Variants in ANO3 observed in about 807,000 individuals in gnomAD.
ANO3 encodes the protein anoctamin 3.
In ANO3, 99 loss-of-function variants were observed where a neutral mutation model predicts 144.8. The ratio of observed to expected loss-of-function variants is 0.68; its 90% CI spans 0.58 to 0.81. The LOEUF (loss-of-function observed/expected upper bound fraction) is 0.81, where lower values mean the gene tolerates loss of function less well. Ranked by LOEUF, ANO3 falls within the 30% of genes least tolerant of loss-of-function variation. The probability of loss-of-function intolerance (pLI) is 0.00; values close to 1 mark genes in which losing one functional copy is unlikely to be tolerated. For synonymous variants in ANO3, 414 were observed against 392.6 expected (o/e 1.05, Z -0.64); for missense variants, 905 against 1,202.2 (o/e 0.75, Z 3.66).
chr11:26,388,082 T>A (rs1247753227), intron 1 of ANO3, among the ~76,000 whole-genome samples: 1 of 150,386 alleles, frequency 6.6e-6, no homozygotes, highest in Non-Finnish European at 1.5e-5. Context: ...TTTTATATTT[T>A]AAAAATTTTA....
rs1265706489 is a variant in ANO3, at chr11:26,199,317, C to G, written c.154+9987C>G. The stretch of plus-strand genomic sequence containing the variant: ...GTCCCTAAGGCAACATTTTACTTTT[C>G]TCTTCCTCCTACTAAAGAGAAAATT... On this transcript the variant is annotated intron_variant, in intron 1 of 27. Transcript: ENST00000672621. Among the ~76,000 whole-genome samples, 2 of 152,094 alleles carry G rather than the reference C, an allele frequency of 1.3e-5. 1 individual carries two copies. The highest frequency in any genetic ancestry group is 4.8e-5 in the African/African-American group (2 of 41,418).
intron 1 of ANO3, among the ~76,000 whole-genome samples, chr11:26,359,971 T>A: frequency 6.6e-6 from 1 of 151,346 alleles, no homozygotes; most frequent in East Asian, 1.9e-4. Context: ...TCAACATAAA[T>A]TTTATATTTA....
Position 26,624,454 on chromosome 11 carries a change from T to C in ANO3, c.1837-8T>C. 2 of 1,598,754 alleles carry C rather than the reference T, an allele frequency of 1.3e-6. No individual in the cohort carries two copies. The highest frequency in any genetic ancestry group is 1.1e-5 in the South Asian group (1 of 90,468). On this transcript the variant is annotated splice_polypyrimidine_tract_variant and splice_region_variant and intron_variant, in intron 17 of 26. Transcript: ENST00000256737. Reference sequence around the variant, plus strand: ...ATAATGTTCACTATGTATTCTCTTTTATTACAGGCTTATGAAAAAATTGCT... The same window carrying C: ...ATAATGTTCACTATGTATTCTCTTTCATTACAGGCTTATGAAAAAATTGCT...
At chr11:26,447,834 G>A (rs1387993766) in intron 3 of ANO3, among the ~76,000 whole-genome samples, 2 of 152,052 alleles carry the variant, frequency 1.3e-5, no homozygotes, top group African/African-American at 2.4e-5. Context: ...TTGAAATCCT[G>A]GTGTGGCAAT....
At chr11:26,403,672 C>A (rs1857206449) in intron 1 of ANO3, among the ~76,000 whole-genome samples, 1 of 151,814 alleles carries the variant, frequency 6.6e-6, no homozygotes, top group Non-Finnish European at 1.5e-5. Flanking sequence ...AATGACTTAT[C>A]ATCTCAGAAA....
intron 1 of ANO3, among the ~76,000 whole-genome samples, chr11:26,231,359 G>A (rs913661184): frequency 1.3e-5 from 2 of 152,180 alleles, no homozygotes; most frequent in African/African-American, 4.8e-5. Flanking sequence ...AAATGAAACA[G>A]AGGCAGATGA....
intron 1 of ANO3, among the ~76,000 whole-genome samples, chr11:26,197,123 T>C (rs960245052): frequency 1.3e-5 from 2 of 152,152 alleles, no homozygotes; most frequent in Non-Finnish European, 2.9e-5. Flanking sequence ...CTCCTCCTCA[T>C]CCATGGGTGT....
chr11:26,471,405 A>T (rs565126205), intron 4 of ANO3, among the ~76,000 whole-genome samples: 1 of 152,024 alleles, frequency 6.6e-6, no homozygotes, highest in Admixed American at 6.6e-5. Flanking sequence ...GTAAAAATAG[A>T]TAATTTGTTA....
chr11:26,466,662 A>T (rs536173822), intron 4 of ANO3, among the ~76,000 whole-genome samples: 1 of 151,936 alleles, frequency 6.6e-6, no homozygotes, highest in African/African-American at 2.4e-5. Flanking sequence ...TCCAACAGCA[A>T]AGGCCAGGAA....
intron 14 of ANO3, among the ~76,000 whole-genome samples, chr11:26,597,832 A>T (rs1165100309): frequency 6.6e-6 from 1 of 152,166 alleles, no homozygotes; most frequent in African/African-American, 2.4e-5. Context: ...GAATTTCTTT[A>T]CTTTTTCCAC....
At chr11:26,401,204 T>C (rs1235182590) in intron 1 of ANO3, among the ~76,000 whole-genome samples, 1 of 152,050 alleles carries the variant, frequency 6.6e-6, no homozygotes, top group Non-Finnish European at 1.5e-5. Flanking sequence ...TTCTCAGTCA[T>C]GGAAGTGGAG....
chr11:26,604,456 A>G (rs907085111), intron 17 of ANO3, among the ~76,000 whole-genome samples: 1 of 152,166 alleles, frequency 6.6e-6, no homozygotes, highest in Non-Finnish European at 1.5e-5. Flanking sequence ...GAAGAATGTC[A>G]ATGGTAGTTT....
chr11:26,556,006 A>G (rs1184447055), intron 13 of ANO3, among the ~76,000 whole-genome samples: 1 of 152,166 alleles, frequency 6.6e-6, no homozygotes, highest in Non-Finnish European at 1.5e-5. Context: ...GTGTGTACAT[A>G]TAATTATTCC....
chr11:26,190,070 G>A (rs1455876429), intron 1 of ANO3, among the ~76,000 whole-genome samples: 1 of 152,082 alleles, frequency 6.6e-6, no homozygotes, highest in African/African-American at 2.4e-5. Flanking sequence ...TTTAAATGTT[G>A]TACTAAAGTA....
intron 17 of ANO3, among the ~76,000 whole-genome samples, chr11:26,606,160 G>T (rs933727579): frequency 6.6e-6 from 1 of 152,120 alleles, no homozygotes; most frequent in Non-Finnish European, 1.5e-5. Flanking sequence ...TGGTTTCAAA[G>T]AACTTATTTA....
At chr11:26,565,442 A>G in intron 14 of ANO3, 1 of 1,613,336 alleles carries the variant, frequency 6.2e-7, no homozygotes, top group South Asian at 1.1e-5. Context: ...CAGGTGTAGC[A>G]TTGGGATGTG....
chr11:26,456,103 C>A (rs1859148111), intron 3 of ANO3, among the ~76,000 whole-genome samples: 2 of 152,014 alleles, frequency 1.3e-5, no homozygotes, highest in African/African-American at 4.8e-5. Flanking sequence ...AAACATTAGA[C>A]CTAAAACCAT....
At chr11:26,525,932 G>A (rs942853754) in intron 7 of ANO3, among the ~76,000 whole-genome samples, 2 of 147,206 alleles carry the variant, frequency 1.4e-5, no homozygotes, top group Non-Finnish European at 3.0e-5. Flanking sequence ...GACTTTAATC[G>A]CAAGTTCACA....
intron 17 of ANO3, among the ~76,000 whole-genome samples, chr11:26,623,591 C>T (rs1485457390): frequency 2.6e-5 from 4 of 152,092 alleles, no homozygotes; most frequent in Admixed American, 2.6e-4. Context: ...ACAGATTCAA[C>T]AGATTTGACT....
Sources: allele counts gnomAD v4.1 joint callset (sites outside exome capture counted in the v4.1 genomes callset), GRCh38; gene constraint gnomAD v4.1.1; transcripts MANE v1.5; gene names NCBI Gene and HGNC (gene_info 2026-07-23, HGNC 2026-07-21).